The following MAD1L1 variants were observed in gnomAD, a reference collection of about 807,000 sequenced individuals.
MAD1L1 encodes mitotic arrest deficient 1 like 1, also known as mitotic spindle assembly checkpoint protein MAD1.
Under a neutral mutation model 96.9 loss-of-function variants are expected in MAD1L1, and 95 were observed. That is an observed-to-expected ratio of 0.98 (90% confidence interval 0.83 to 1.16). The LOEUF is 1.16. Among genes scored for constraint, MAD1L1 ranks in the 50% most tolerant of loss-of-function variants. The pLI, the probability that MAD1L1 is intolerant of heterozygous loss-of-function variation, is 0.00. For synonymous variants in MAD1L1, 473 were observed against 396.6 expected (o/e 1.19, Z -2.29); for missense variants, 1,007 against 954.4 (o/e 1.06, Z -0.73).
intron 13 of MAD1L1, among the ~76,000 whole-genome samples, chr7:2,013,280 A>G (rs964560561): frequency 2.6e-5 from 4 of 152,354 alleles, no homozygotes; most frequent in Admixed American, 2.6e-4. Flanking sequence ...AGCCTACAAC[A>G]GGGCAACAGG....
intron 18 of MAD1L1, chr7:1,854,235 C>T (rs903878151): frequency 4.9e-5 from 17 of 348,410 alleles, no homozygotes; most frequent in East Asian, 8.3e-5. Context: ...ACCATGGCCC[C>T]GGTGCCTCGG....
At chr7:2,081,907 G>A (rs534895768) in intron 11 of MAD1L1, among the ~76,000 whole-genome samples, 5 of 152,340 alleles carry the variant, frequency 3.3e-5, no homozygotes, top group South Asian at 2.1e-4. Context: ...AGCAGGGCAC[G>A]CCTGACATGG....
chr7:2,082,027 C>G (rs929790416), intron 11 of MAD1L1, among the ~76,000 whole-genome samples: 1 of 152,178 alleles, frequency 6.6e-6, no homozygotes, highest in African/African-American at 2.4e-5. Context: ...ACTCTGAAGT[C>G]TGGCCACACT....
chr7:2,167,410 A>G (rs1045744974), intron 10 of MAD1L1, among the ~76,000 whole-genome samples: 11 of 152,076 alleles, frequency 7.2e-5, no homozygotes, highest in Non-Finnish European at 1.0e-4. Context: ...TTAGCCGGGC[A>G]TGGTGGCGGG....
At chr7:1,888,642 C>G (rs1786334385) in intron 18 of MAD1L1, among the ~76,000 whole-genome samples, 1 of 150,506 alleles carries the variant, frequency 6.6e-6, no homozygotes, top group Non-Finnish European at 1.5e-5. Flanking sequence ...ATGTGGATGC[C>G]TGTGTGTGCG....
intron 17 of MAD1L1, among the ~76,000 whole-genome samples, chr7:1,935,517 G>A (rs932910396): frequency 1.3e-5 from 2 of 152,208 alleles, no homozygotes; most frequent in African/African-American, 4.8e-5. Context: ...GGCAGTCTTG[G>A]CTTATGGGGG....
At chr7:2,029,689 C>T (rs753145942) in intron 12 of MAD1L1, among the ~76,000 whole-genome samples, 17 of 152,172 alleles carry the variant, frequency 1.1e-4, no homozygotes, top group Non-Finnish European at 1.9e-4. Context: ...CCAACTCGGA[C>T]TCCAGAGGCC....
intron 12 of MAD1L1, among the ~76,000 whole-genome samples, chr7:2,024,490 A>G (rs1009299467): frequency 1.6e-4 from 25 of 152,214 alleles, no homozygotes; most frequent in African/African-American, 6.0e-4. Flanking sequence ...GCTGTCACAT[A>G]GAAATTGGCG....
chr7:2,225,374 G>T, intron 4 of MAD1L1, 36 bp downstream of exon 4: 1 of 1,608,442 alleles, frequency 6.2e-7, no homozygotes, highest in Non-Finnish European at 8.5e-7. Context: ...GCTTCCTGGG[G>T]CTGTCTGGGC....
At chr7:1,942,269 C>T (rs1248407870) in intron 16 of MAD1L1, among the ~76,000 whole-genome samples, 1 of 150,248 alleles carries the variant, frequency 6.7e-6, no homozygotes, top group African/African-American at 2.4e-5. Flanking sequence ...CATTCCCGGC[C>T]CCTCCAGAAG....
At chr7:1,927,562 A>C (rs1789161572) in intron 17 of MAD1L1, among the ~76,000 whole-genome samples, 1 of 152,238 alleles carries the variant, frequency 6.6e-6, no homozygotes. Context: ...GTTTTGGACA[A>C]AGGTGCAAAC....
At chr7:2,171,191 G>GT (rs1790689458) in intron 10 of MAD1L1, among the ~76,000 whole-genome samples, 1 of 152,198 alleles carries the variant, frequency 6.6e-6, no homozygotes, top group Non-Finnish European at 1.5e-5. Flanking sequence ...CGTTTCCTGC[G>GT]TATCGTGCCA....
chr7:2,075,584 ATGTTTATCAATCAATGGCTC>A (rs1785337575), intron 11 of MAD1L1, among the ~76,000 whole-genome samples: 1 of 152,090 alleles, frequency 6.6e-6, no homozygotes, highest in Non-Finnish European at 1.5e-5. Flanking sequence ...GAAGCCAGGC[ATGTTTATCAATCAATGGCTC>A]TCTGAGCCAG....
intron 14 of MAD1L1, among the ~76,000 whole-genome samples, chr7:1,994,950 G>A (rs1781494082): frequency 6.6e-6 from 1 of 152,208 alleles, no homozygotes; most frequent in African/African-American, 2.4e-5. Flanking sequence ...AAAGTGCTGG[G>A]ATTACAGGCG....
At chr7:2,046,199 G>T (rs896494508) in intron 12 of MAD1L1, among the ~76,000 whole-genome samples, 1 of 152,142 alleles carries the variant, frequency 6.6e-6, no homozygotes, top group East Asian at 1.9e-4. Context: ...TCCCTACAGA[G>T]GGGAGTCCCA....
intron 11 of MAD1L1, among the ~76,000 whole-genome samples, chr7:2,072,021 T>C (rs1785156043): frequency 6.6e-6 from 1 of 152,214 alleles, no homozygotes; most frequent in Non-Finnish European, 1.5e-5. Flanking sequence ...TTCCTTGAGT[T>C]CTGTGAGACA....
At chr7:2,153,273 C>A (rs188015592) in intron 10 of MAD1L1, among the ~76,000 whole-genome samples, 2 of 152,266 alleles carry the variant, frequency 1.3e-5, no homozygotes, top group East Asian at 3.9e-4. Flanking sequence ...AGGAAAATAT[C>A]TGTCAACTCT....
chr7:1,902,814 G>A (rs1445166724), intron 17 of MAD1L1, among the ~76,000 whole-genome samples: 1 of 152,200 alleles, frequency 6.6e-6, no homozygotes, highest in African/African-American at 2.4e-5. Flanking sequence ...ATGAAGCACT[G>A]TTCCAGGCAG....
intron 18 of MAD1L1, among the ~76,000 whole-genome samples, chr7:1,859,850 C>T (rs371652426): frequency 1.3e-5 from 2 of 148,446 alleles, no homozygotes; most frequent in East Asian, 2.0e-4. Flanking sequence ...TGATACCCGG[C>T]GGGGCGGCCT....
Sources: gnomAD v4.1 joint callset for allele counts (sites outside exome capture counted in the v4.1 genomes callset) on GRCh38, gnomAD v4.1.1 for gene constraint, MANE v1.5 for transcripts, NCBI Gene and HGNC (gene_info 2026-07-23, HGNC 2026-07-21) for gene names.